ATP8B1: variants seen among roughly 807,000 people sequenced by gnomAD.
ATP8B1 encodes the protein ATPase phospholipid transporting 8B1.
Under a neutral mutation model 149.9 loss-of-function variants are expected in ATP8B1, and 80 were observed. That is an observed-to-expected ratio of 0.53 (90% CI 0.45 to 0.64). The LOEUF is 0.64. ATP8B1 is among the 30% of genes least tolerant of loss of function. ATP8B1 has a pLI of 0.00. For missense variants in ATP8B1, 1,247 were observed against 1,552.6 expected (o/e 0.80, Z 3.31); for synonymous variants, 536 against 562.8 (o/e 0.95, Z 0.67).
chr18:57,756,883 C>T (rs1203437049), intron 1 of ATP8B1, among the ~76,000 whole-genome samples: 2 of 152,148 alleles, frequency 1.3e-5, no homozygotes, highest in African/African-American at 4.8e-5. Flanking sequence ...TTGATTTCTC[C>T]ACTGTATGTA....
intron 2 of ATP8B1, among the ~76,000 whole-genome samples, chr18:57,713,184 T>TTCC (rs1913780830): frequency 1.3e-3 from 121 of 91,100 alleles, no homozygotes; most frequent in East Asian, 2.7e-3. Context: ...TCTTTCTTTC[T>TTCC]TTCTTTCTTT....
rs150657346 is a variant in ATP8B1, at chr18:57,650,470, G to A, written c.3428C>T (p.Pro1143Leu). The A allele has an allele frequency of 1.1e-5, 18 of 1,613,708 alleles. No individual in the cohort carries two copies. Among genetic ancestry groups the A allele is most frequent in the Non-Finnish European group, 1.5e-5 (18 of 1,179,782 alleles). The change falls in exon 27 of 28, where the codon CCA becomes CTA. Residue 1143 changes from proline (P) to leucine (L), a missense_variant. Pro to Leu is a moderately conservative substitution (Grantham distance 98). Coordinates refer to ENST00000648908, the MANE Select transcript of ATP8B1 (RefSeq NM_001374385.1). ...CAGGATGATAGTTAACCAAATGTAT[G>A]GCTGTCTCAGAGCGTTTGAAGCTGT... ...TGTASNALRQ[P>L]YIWLTIILAV...
chr18:57,721,878 A>T (rs1242057788), intron 2 of ATP8B1, among the ~76,000 whole-genome samples: 4 of 106,482 alleles, frequency 3.8e-5, no homozygotes, highest in African/African-American at 1.6e-4. Flanking sequence ...GTAAAAGAAC[A>T]GAAATTATAA....
In ATP8B1 at chr18:57,668,507, G is replaced by A; in HGVS notation, c.2131C>T (p.Gln711Ter). ...GAAATGGTTTCTGGAACTCCATCCT[G>A]TAGCTTGTCTTCAATAGCTGTAGCT... Reference protein sequence around the residue: ...LGATAIEDKLQDGVPETISKL... With the variant: ...LGATAIEDKL Residue 711 changes from glutamine (Q) to a stop codon, truncating the protein, a stop_gained, in exon 19 of 28, where the codon CAG (glutamine) becomes TAG (stop). Coordinates refer to ENST00000648908, the MANE Select transcript of ATP8B1 (RefSeq NM_001374385.1). LOFTEE classifies it high-confidence loss of function. 6.5e-7 allele frequency: 1 copy of A among 1,537,970 alleles called. No homozygotes were observed. The highest frequency in any genetic ancestry group is 1.5e-5 in the African/African-American group (1 of 68,580).
intron 16 of ATP8B1, among the ~76,000 whole-genome samples, chr18:57,673,486 C>T (rs888451437): frequency 2.6e-5 from 4 of 152,032 alleles, no homozygotes; most frequent in African/African-American, 9.7e-5. Flanking sequence ...GGGAAAGGGA[C>T]ATTAGGCCTG....
At chr18:57,783,098 C>A (rs562948417) in intron 1 of ATP8B1, among the ~76,000 whole-genome samples, 1 of 152,076 alleles carries the variant, frequency 6.6e-6, no homozygotes, top group East Asian at 1.9e-4. Context: ...CAGGCGTGAG[C>A]CACGGTGCCC....
Position 57,669,905 on chromosome 18 carries a change from C to T in ATP8B1, c.1933-423G>A, listed in dbSNP as rs532386777. Among the ~76,000 whole-genome samples the T allele has an allele frequency of 1.7e-4, 26 of 152,184 alleles. 1 individual carries two copies. Among genetic ancestry groups the T allele is most frequent in the Admixed American group, 1.4e-3 (22 of 15,274 alleles). ...TGATCTGCCCAACTCAGCCTCCCAG[C>T]GTGCTGGGATTACAGGCATGAGCCA... On this transcript the variant is annotated intron_variant, in intron 17 of 27. Coordinates refer to ENST00000648908, the MANE Select transcript of ATP8B1 (RefSeq NM_001374385.1).
At position 57,648,353 on chromosome 18, in the gene ATP8B1, T is replaced by A. The variant is rs1909316283; in HGVS notation, c.*135A>T. 14 of 1,059,986 alleles carry A rather than the reference T, an allele frequency of 1.3e-5. No individual in the cohort carries two copies. In the South Asian group the frequency reaches 1.7e-4, roughly 13 times the overall value. 65.7% of individuals were successfully genotyped at this position (1,059,986 alleles called of 1,614,324 possible). A position where few individuals can be genotyped will look rare whatever the true frequency, so the allele number is the denominator to read the frequency against. On this transcript the variant is annotated 3_prime_UTR_variant, in exon 28 of 28. Coordinates refer to ENST00000648908, the MANE Select transcript of ATP8B1 (RefSeq NM_001374385.1). Reference sequence around the variant, plus strand: ...TTGTTTAATAGTCCAACCCAAGGAGTTTGTTATAAAGATTATTTATTGTCT... The same window carrying A: ...TTGTTTAATAGTCCAACCCAAGGAGATTGTTATAAAGATTATTTATTGTCT...
chr18:57,654,907 A>G (rs1909890548), intron 23 of ATP8B1, among the ~76,000 whole-genome samples: 1 of 147,532 alleles, frequency 6.8e-6, no homozygotes, highest in Non-Finnish European at 1.5e-5. Context: ...GACTGATCTC[A>G]AACTCCCGAC....
At chr18:57,749,899 GA>G (rs982889253) in intron 1 of ATP8B1, among the ~76,000 whole-genome samples, 2 of 152,116 alleles carry the variant, frequency 1.3e-5, no homozygotes, top group Admixed American at 6.5e-5. Flanking sequence ...AAAAAGAAAG[GA>G]AAAAAATGGA....
At chr18:57,775,831 A>G (rs1338183439) in intron 1 of ATP8B1, among the ~76,000 whole-genome samples, 1 of 151,970 alleles carries the variant, frequency 6.6e-6, no homozygotes, top group Non-Finnish European at 1.5e-5. Flanking sequence ...TTTAGTAGAG[A>G]CGGCGTTTCT....
At chr18:57,756,720 G>A (rs572261263) in intron 1 of ATP8B1, among the ~76,000 whole-genome samples, 4 of 151,188 alleles carry the variant, frequency 2.6e-5, no homozygotes, top group South Asian at 4.2e-4. Context: ...TCATTTCCTC[G>A]TGATTTAATT....
At chr18:57,713,909 G>A (rs1913872145) in intron 2 of ATP8B1, among the ~76,000 whole-genome samples, 1 of 152,122 alleles carries the variant, frequency 6.6e-6, no homozygotes, top group Non-Finnish European at 1.5e-5. Flanking sequence ...TTACAGGCAT[G>A]AGACACTGCG....
chr18:57,728,562 G>A (rs1056243604), intron 2 of ATP8B1, among the ~76,000 whole-genome samples: 10 of 152,084 alleles, frequency 6.6e-5, no homozygotes, highest in African/African-American at 4.8e-5. Context: ...AACATCATCT[G>A]TGTGCTTGGG....
chr18:57,759,692 T>C (rs1599204107), intron 1 of ATP8B1, among the ~76,000 whole-genome samples: 2 of 151,630 alleles, frequency 1.3e-5, no homozygotes, highest in Non-Finnish European at 2.9e-5. Flanking sequence ...CGGGCGCCTG[T>C]AGTCCCAGCT....
chr18:57,661,298 G>A lies in ATP8B1; in HGVS notation c.2583C>T (p.Ser861=), dbSNP rs1250209332. The change falls in exon 22 of 28, where the codon AGC becomes AGT. Residue 861 remains serine (S), a synonymous_variant. Transcript: ENST00000648908. ...KNFVDLACEC[S]AVICCRVTPK... The stretch of plus-strand genomic sequence containing the variant: ...GGGTGACGCGGCAGCAGATGACTGC[G>A]CTGCACTCGCAGGCCAGGTCCACAA... The A allele has an allele frequency of 3.1e-6, 5 of 1,613,836 alleles. No individual in the cohort carries two copies. The highest frequency in any genetic ancestry group is 4.2e-6 in the Non-Finnish European group (5 of 1,180,014).
intron 15 of ATP8B1, among the ~76,000 whole-genome samples, chr18:57,678,297 T>A (rs2122772863): frequency 6.6e-6 from 1 of 152,162 alleles, no homozygotes; most frequent in South Asian, 2.1e-4. Flanking sequence ...TTGAAAAACT[T>A]ACTATTAGGG....
chr18:57,665,575 C>T (rs2048951), intron 20 of ATP8B1, among the ~76,000 whole-genome samples: 6,956 of 151,176 alleles, frequency 0.046, 214 homozygotes, highest in Non-Finnish European at 0.065. Flanking sequence ...TTTTTTGAGA[C>T]GGAGTCTTGC....
At chr18:57,788,722 CAACTCCCAAATG>C (rs540778227) in intron 1 of ATP8B1, among the ~76,000 whole-genome samples, 193 of 152,220 alleles carry the variant, frequency 1.3e-3, no homozygotes, top group Admixed American at 3.3e-3. Flanking sequence ...CCTGTCTTGC[CAACTCCCAAATG>C]AGGAGATTTT....
Sources: gnomAD v4.1 joint callset for allele counts (sites outside exome capture counted in the v4.1 genomes callset) on GRCh38, gnomAD v4.1.1 for gene constraint, MANE v1.5 for transcripts, NCBI Gene and HGNC (gene_info 2026-07-23, HGNC 2026-07-21) for gene names.